Variants in C4orf50 observed in about 807,000 individuals in gnomAD.
C4orf50 encodes the protein uncharacterized protein C4orf50.
C4orf50 carries 80 observed loss-of-function variants against 77.2 expected under a neutral mutation model. That is an observed-to-expected ratio of 1.04 (90% CI 0.87 to 1.25). The LOEUF is 1.25. Among genes scored for constraint, C4orf50 ranks in the 50% most tolerant of loss-of-function variants. C4orf50 has a pLI of 0.00. For missense variants in C4orf50, 1,257 were observed against 1,152.9 expected (o/e 1.09, Z -1.31); for synonymous variants, 532 against 465.3 (o/e 1.14, Z -1.84).
intron 7 of C4orf50, among the ~76,000 whole-genome samples, chr4:5,946,181 C>T (rs1156325824): frequency 6.6e-6 from 1 of 152,128 alleles, no homozygotes; most frequent in East Asian, 1.9e-4. Flanking sequence ...TTGTCCTGCC[C>T]CTGAGCAGGA....
rs539169313 is a variant in C4orf50 at position 5,970,578 on chromosome 4, C to T, written c.4104+3081G>A. 6.6e-6 allele frequency among the ~76,000 whole-genome samples: 1 copy of T among 152,310 alleles called. No homozygotes were observed. The highest frequency in any genetic ancestry group is 6.5e-5 in the Admixed American group (1 of 15,310). On this transcript the variant is annotated intron_variant, in intron 31 of 33. Coordinates refer to ENST00000531445, the Ensembl canonical transcript of C4orf50. This position sits in a 1 kb window ranked among gnomAD's most constrained non-coding sequence, Gnocchi z 4.3. ...GGGACCCGTGGCCCCCAGCCCAACA[C>T]CACATGCCTGCAGAAAGGGCACTGG...
In C4orf50 at chr4:6,018,072, C is replaced by A. The variant is rs575502253; in HGVS notation, c.287+73G>T. ...CCCAGCTGTGTGGTGTGATTCAACACACCATGGTGACACACTCTGATGGCC... is the reference window on the plus strand; with the variant it reads ...CCCAGCTGTGTGGTGTGATTCAACAAACCATGGTGACACACTCTGATGGCC... On this transcript the variant is annotated intron_variant, in intron 23 of 33. Coordinates refer to ENST00000531445, the Ensembl canonical transcript of C4orf50. The surrounding 1 kb of genome is among the most constrained non-coding windows in gnomAD (Gnocchi z 5.1). The A allele has an allele frequency of 1.0e-5, 4 of 397,830 alleles. No homozygotes were observed. In the East Asian group the frequency reaches 1.1e-4, roughly 11 times the overall value. 24.6% of individuals were successfully genotyped at this position (397,830 alleles called of 1,614,324 possible).
chr4:5,988,440 T>A, exon 28 of C4orf50: 1 of 1,599,444 alleles, frequency 6.3e-7, no homozygotes. Flanking sequence ...CTTCTTTCAC[T>A]TCTGCTCCAC....
rs907483170 is a variant in C4orf50, at chr4:6,007,993, T to C, written c.963+3A>G. 4 of 398,994 alleles carry C rather than the reference T, an allele frequency of 1.0e-5. No individual in the cohort carries two copies. Among genetic ancestry groups the C allele is most frequent in the African/African-American group, 8.2e-5 (4 of 48,638 alleles). The allele number at this position is 398,994 out of a possible 1,614,324, so 24.7% of individuals were successfully genotyped here. On this transcript the variant is annotated splice_donor_region_variant and intron_variant, in intron 25 of 33. Transcript: ENST00000531445. The surrounding 1 kb of genome is among the most constrained non-coding windows in gnomAD (Gnocchi z 4.1). ...ATTCCTACCCTGAGTTCCCGCCACT[T>C]ACCAGGCTGCAGTGACCAATAGGGG...
At chr4:5,987,575 A>G (rs1278775552) in intron 28 of C4orf50, among the ~76,000 whole-genome samples, 1 of 150,572 alleles carries the variant, frequency 6.6e-6, no homozygotes, top group Non-Finnish European at 1.5e-5. Flanking sequence ...GAAAGAAGGA[A>G]GAGAGAGACA....
intron 7 of C4orf50, among the ~76,000 whole-genome samples, chr4:5,941,537 T>G (rs943110910): frequency 3.3e-5 from 5 of 152,192 alleles, no homozygotes; most frequent in African/African-American, 7.2e-5. Context: ...AACTAACATC[T>G]ATTTGTTAAG....
At chr4:5,966,561 G>A (rs1719578937) in intron 32 of C4orf50, among the ~76,000 whole-genome samples, 1 of 151,484 alleles carries the variant, frequency 6.6e-6, no homozygotes. Context: ...CACGGCAAAT[G>A]TTTTAGGTGC....
chr4:6,008,383 C>T lies in C4orf50; in HGVS notation c.576G>A (p.Arg192=). The change falls in exon 25 of 34, where the codon CGG becomes CGA. Residue 192 remains arginine (R), a synonymous_variant. Coordinates refer to ENST00000531445, the Ensembl canonical transcript of C4orf50. This position sits in a 1 kb window ranked among gnomAD's most constrained non-coding sequence, Gnocchi z 6.0. Reference sequence around the variant, plus strand: ...GCTCCCGCAGGACGCGCTCCTGCTCCCGCACCAGGCCCAGCTGGCGCCGCT... The same window carrying T: ...GCTCCCGCAGGACGCGCTCCTGCTCTCGCACCAGGCCCAGCTGGCGCCGCT... 2.5e-6 allele frequency: 1 copy of T among 393,368 alleles called. No homozygotes were observed. The highest frequency in any genetic ancestry group is 4.5e-6 in the Non-Finnish European group (1 of 222,724). The allele number at this position is 393,368 out of a possible 1,614,324, so 24.4% of individuals were successfully genotyped here.
intron 23 of C4orf50, among the ~76,000 whole-genome samples, chr4:6,013,249 G>A (rs1030570955): frequency 1.3e-5 from 2 of 152,150 alleles, no homozygotes; most frequent in African/African-American, 4.8e-5. Flanking sequence ...GTGCTCTCTC[G>A]TGAGGATCAT....
chr4:5,913,965 T>C (rs1319102345), intron 7 of C4orf50, among the ~76,000 whole-genome samples: 1 of 152,156 alleles, frequency 6.6e-6, no homozygotes, highest in East Asian at 1.9e-4. Context: ...AGTCATCTCA[T>C]TACCCCGGCA....
chr4:6,006,847 G>A (rs753112220), intron 25 of C4orf50, among the ~76,000 whole-genome samples: 4 of 152,200 alleles, frequency 2.6e-5, no homozygotes, highest in Non-Finnish European at 4.4e-5. Context: ...TCTGGACCCT[G>A]ACCTCAAGGA....
intron 7 of C4orf50, among the ~76,000 whole-genome samples, chr4:5,945,566 C>T (rs1017815686): frequency 7.2e-5 from 11 of 152,030 alleles, no homozygotes; most frequent in East Asian, 5.8e-4. Context: ...CCTGTGGAGT[C>T]GGGGCAGTGG....
At chr4:5,998,821 A>G (rs1395965454) in intron 25 of C4orf50, among the ~76,000 whole-genome samples, 1 of 152,240 alleles carries the variant, frequency 6.6e-6, no homozygotes, top group Non-Finnish European at 1.5e-5. Context: ...TGCCCAGTGC[A>G]CACTCATGGG....
intron 25 of C4orf50, among the ~76,000 whole-genome samples, chr4:6,005,241 G>A (rs1242713530): frequency 1.3e-5 from 2 of 152,204 alleles, no homozygotes; most frequent in Non-Finnish European, 2.9e-5. Context: ...ATGAGAGACC[G>A]AGGCAGAAGT....
rs964669760 is a variant in C4orf50, at chr4:5,932,294, G to A, written c.*2474+24607C>T. On this transcript the variant is annotated intron_variant, in intron 7 of 7. Coordinates refer to the C4orf50 transcript ENST00000324058. The surrounding 1 kb of genome is among the most constrained non-coding windows in gnomAD (Gnocchi z 4.2). The stretch of plus-strand genomic sequence containing the variant: ...TGGCCCATTTATGGAGCACGCACAT[G>A]AGTAGCGAGGCTGGGCTCCGTAAAG... Among the ~76,000 whole-genome samples the A allele has an allele frequency of 6.6e-6, 1 of 152,172 alleles. No individual in the cohort carries two copies. Among genetic ancestry groups the A allele is most frequent in the African/African-American group, 2.4e-5 (1 of 41,440 alleles).
chr4:5,937,871 G>A (rs61399090), intron 7 of C4orf50, among the ~76,000 whole-genome samples: 21,948 of 152,050 alleles, frequency 0.14, 3,537 homozygotes, highest in African/African-American at 0.41. Context: ...AAAGATTCAT[G>A]GTATAATAGA....
At chr4:5,907,858 T>C (rs1716623605) in intron 7 of C4orf50, among the ~76,000 whole-genome samples, 1 of 152,108 alleles carries the variant, frequency 6.6e-6, no homozygotes, top group Non-Finnish European at 1.5e-5. Flanking sequence ...GTTGGCATGT[T>C]CGAAGGACAG....
intron 7 of C4orf50, among the ~76,000 whole-genome samples, chr4:5,912,957 G>A (rs1276094344): frequency 3.3e-5 from 5 of 152,226 alleles, no homozygotes; most frequent in African/African-American, 1.2e-4. Context: ...GCTGTAGATT[G>A]TCTGGCTTGC....
chr4:5,929,256 C>A (rs1399855121), intron 7 of C4orf50, among the ~76,000 whole-genome samples: 1 of 152,186 alleles, frequency 6.6e-6, no homozygotes, highest in Non-Finnish European at 1.5e-5. Flanking sequence ...TAGTACCAGT[C>A]AGTTTTCAAA....
Sources: allele counts gnomAD v4.1 joint callset (sites outside exome capture counted in the v4.1 genomes callset), GRCh38; gene constraint gnomAD v4.1.1; non-coding constraint Gnocchi (gnomAD v3.1); transcripts MANE v1.5; gene names NCBI Gene and HGNC (gene_info 2026-07-23, HGNC 2026-07-21).